The following ROBO1 variants were observed in gnomAD, a reference collection of about 807,000 sequenced individuals.
The protein encoded by ROBO1 is roundabout guidance receptor 1, also known as roundabout homolog 1.
A neutral mutation model predicts 195.9 loss-of-function variants in ROBO1; 149 were observed. That is an observed-to-expected ratio of 0.76 (90% CI 0.67 to 0.87). ROBO1 has a LOEUF of 0.87. ROBO1 is among the 40% of genes least tolerant of loss of function. The pLI is 0.00. For synonymous variants in ROBO1, 816 were observed against 733.2 expected (o/e 1.11, Z -1.82); for missense variants, 1,933 against 2,068.3 (o/e 0.93, Z 1.27).
chr3:79,702,451 T>C (rs1947646671), intron 1 of ROBO1, among the ~76,000 whole-genome samples: 1 of 151,896 alleles, frequency 6.6e-6, no homozygotes. Context: ...TTAAATCTTG[T>C]GCTGGTTATT....
chr3:79,515,734 T>C (rs1268265559), intron 2 of ROBO1, among the ~76,000 whole-genome samples: 1 of 152,188 alleles, frequency 6.6e-6, no homozygotes, highest in African/African-American at 2.4e-5. Context: ...TGAACGTGAA[T>C]ATAGTCTTTG....
intron 2 of ROBO1, among the ~76,000 whole-genome samples, chr3:79,196,875 A>C (rs1053463143): frequency 2.6e-4 from 40 of 151,738 alleles, no homozygotes; most frequent in Non-Finnish European, 4.4e-5. Flanking sequence ...TAGTCTTTGA[A>C]TGCTTCAGAT....
chr3:79,393,949 G>A (rs2106729321), intron 2 of ROBO1, among the ~76,000 whole-genome samples: 1 of 152,188 alleles, frequency 6.6e-6, no homozygotes, highest in Non-Finnish European at 1.5e-5. Flanking sequence ...ATCCTGCAGT[G>A]TGTATAAAAC....
intron 10 of ROBO1, 132 bp from the exon 11 acceptor site, chr3:78,670,433 T>C: frequency 1.4e-6 from 1 of 711,432 alleles, no homozygotes. Flanking sequence ...GTAGCAGACA[T>C]GCATTATTCA....
chr3:79,172,576 C>T (rs76371306), intron 2 of ROBO1, among the ~76,000 whole-genome samples: 2,112 of 152,216 alleles, frequency 0.014, 28 homozygotes, highest in Non-Finnish European at 0.017. Flanking sequence ...ATCCTAGAAA[C>T]TTTACATAAA....
intron 1 of ROBO1, among the ~76,000 whole-genome samples, chr3:79,594,869 T>C (rs986347701): frequency 6.6e-6 from 1 of 152,024 alleles, no homozygotes; most frequent in Non-Finnish European, 1.5e-5. Flanking sequence ...TATTTGCACA[T>C]TGCTTCATAT....
At chr3:79,165,344 A>T (rs1039519218) in intron 2 of ROBO1, among the ~76,000 whole-genome samples, 1 of 152,204 alleles carries the variant, frequency 6.6e-6, no homozygotes, top group Non-Finnish European at 1.5e-5. Flanking sequence ...GCACTTCAAC[A>T]TTATTTTCCT....
intron 4 of ROBO1, among the ~76,000 whole-genome samples, chr3:78,870,580 C>T (rs2035485425): frequency 6.6e-6 from 1 of 152,148 alleles, no homozygotes; most frequent in Non-Finnish European, 1.5e-5. Flanking sequence ...GAATAAAAGG[C>T]TTTCCCTTGC....
rs185358685 is a variant in ROBO1 at position 79,219,358 on chromosome 3, C to T, written c.89-93819G>A. On this transcript the variant is annotated intron_variant, in intron 2 of 30. Transcript: ENST00000464233. ...TAATTATGATATATTAGTTGCATAC[C>T]GAGGAAGTAAATAAAAGTAGGCAAG... 5.9e-5 allele frequency among the ~76,000 whole-genome samples: 9 copies of T among 151,840 alleles called. No individual in the cohort carries two copies. In the East Asian group the frequency reaches 1.5e-3, roughly 26 times the overall value.
At chr3:79,111,182 G>A (rs2108533329) in intron 3 of ROBO1, among the ~76,000 whole-genome samples, 1 of 152,238 alleles carries the variant, frequency 6.6e-6, no homozygotes, top group Non-Finnish European at 1.5e-5. Context: ...GGCATAATCA[G>A]GAACACAGAG....
chr3:79,076,685 G>A (rs2079179619), intron 3 of ROBO1, among the ~76,000 whole-genome samples: 1 of 151,688 alleles, frequency 6.6e-6, no homozygotes, highest in Non-Finnish European at 1.5e-5. Context: ...TCAAATGGTA[G>A]AATTTCTAGG....
At chr3:79,562,278 A>G (rs1261216911) in intron 2 of ROBO1, among the ~76,000 whole-genome samples, 1 of 151,780 alleles carries the variant, frequency 6.6e-6, no homozygotes, top group Non-Finnish European at 1.5e-5. Flanking sequence ...CACTATGTGC[A>G]CACACACACA....
At chr3:78,993,704 A>AACTATTT (rs1045127745) in intron 3 of ROBO1, among the ~76,000 whole-genome samples, 5 of 152,120 alleles carry the variant, frequency 3.3e-5, no homozygotes, top group African/African-American at 1.2e-4. Flanking sequence ...CCCAAATGAA[A>AACTATTT]ACTATTTACT....
In ROBO1 at chr3:78,600,135, TCTC is replaced by T. The variant is rs1553677552; in HGVS notation, c.4916_4918del (p.Gly1639del). 7 of 1,612,872 alleles carry T rather than the reference TCTC, an allele frequency of 4.3e-6. No homozygotes were observed. Among genetic ancestry groups the T allele is most frequent in the Non-Finnish European group, 5.9e-6 (7 of 1,179,292 alleles). On this transcript the variant is annotated inframe_deletion, in exon 30 of 31. Coordinates refer to ENST00000464233, the MANE Select transcript of ROBO1 (RefSeq NM_002941.4). The stretch of plus-strand genomic sequence containing the variant: ...TACCTCTAATTCTTCATTATTATCT[TCTC>T]CTCTTTCATATCCTCCAAGTACCTG...
rs148429296 is a variant in ROBO1 at position 78,831,399 on chromosome 3, A to G, written c.500-84499T>C. ...AGTGGAAAAAAATCCTGCAAATAGT[A>G]GTTTATGTTTTTATTTGGTACTTAT... is the stretch of plus-strand genomic sequence containing the variant. On this transcript the variant is annotated intron_variant, in intron 4 of 30. Transcript: ENST00000464233. 4.7e-4 allele frequency among the ~76,000 whole-genome samples: 71 copies of G among 152,312 alleles called. 1 individual carries two copies. In the East Asian group the frequency reaches 0.014, roughly 29 times the overall value.
chr3:78,957,448 T>C (rs1257403690), intron 3 of ROBO1, among the ~76,000 whole-genome samples: 1 of 152,206 alleles, frequency 6.6e-6, no homozygotes, highest in African/African-American at 2.4e-5. Context: ...TATGCACTTA[T>C]ATACCTCTTA....
At chr3:79,080,513 C>T (rs1038921724) in intron 3 of ROBO1, among the ~76,000 whole-genome samples, 1 of 151,800 alleles carries the variant, frequency 6.6e-6, no homozygotes, top group African/African-American at 2.4e-5. Context: ...TTTAGTTTCT[C>T]AATATTTAAA....
intron 4 of ROBO1, among the ~76,000 whole-genome samples, chr3:78,750,486 TAAATA>T (rs1559814882): frequency 9.5e-5 from 14 of 147,822 alleles, no homozygotes; most frequent in African/African-American, 3.5e-4. Flanking sequence ...AATAAATAAA[TAAATA>T]AATAAATAAA....
intron 10 of ROBO1, among the ~76,000 whole-genome samples, chr3:78,671,961 G>A (rs1708087450): frequency 6.6e-6 from 1 of 151,898 alleles, no homozygotes; most frequent in East Asian, 1.9e-4. Flanking sequence ...TGCCATTTTT[G>A]TGGTATAATT....
Sources: gnomAD v4.1 joint callset for allele counts (sites outside exome capture counted in the v4.1 genomes callset) on GRCh38, gnomAD v4.1.1 for gene constraint, MANE v1.5 for transcripts, NCBI Gene and HGNC (gene_info 2026-07-23, HGNC 2026-07-21) for gene names.